CAMTA1: variants seen among roughly 807,000 people sequenced by gnomAD.
CAMTA1 encodes the protein calmodulin-binding transcription activator 1.
CAMTA1 carries 27 observed loss-of-function variants against 170.9 expected under a neutral mutation model. The observed-to-expected ratio is 0.16, with a 90% CI of 0.12 to 0.22. CAMTA1 has a LOEUF of 0.22. Among genes scored for constraint, CAMTA1 ranks in the 10% least tolerant of loss-of-function variants. CAMTA1 has a pLI of 1.00. For synonymous variants in CAMTA1, 833 were observed against 891.5 expected (o/e 0.93, Z 1.17); for missense variants, 1,619 against 2,217.2 (o/e 0.73, Z 5.42).
chr1:7,095,807 G>C (rs1180266579), intron 4 of CAMTA1, among the ~76,000 whole-genome samples: 1 of 152,256 alleles, frequency 6.6e-6, no homozygotes, highest in Non-Finnish European at 1.5e-5. Context: ...ACCACTGCAG[G>C]GGAGCAGGTC....
At position 7,673,731 on chromosome 1, in the gene CAMTA1, A is replaced by T. The variant is rs1434223954; in HGVS notation, c.2779+2694A>T. Among the ~76,000 whole-genome samples, 2 of 152,230 alleles carry T rather than the reference A, an allele frequency of 1.3e-5. No homozygotes were observed. The highest frequency in any genetic ancestry group is 4.8e-5 in the African/African-American group (2 of 41,460). On this transcript the variant is annotated intron_variant, in intron 10 of 22. Transcript: ENST00000303635. This position sits in a 1 kb window ranked among gnomAD's most constrained non-coding sequence, Gnocchi z 4.6. ...TCCACAAAGGGGGCCTCCTTTGGACATCTCTGCTTTGAGGCCCAAATTGGA... is the reference window on the plus strand; with the variant it reads ...TCCACAAAGGGGGCCTCCTTTGGACTTCTCTGCTTTGAGGCCCAAATTGGA...
chr1:7,710,249 G>A (rs2096559425), intron 11 of CAMTA1, among the ~76,000 whole-genome samples: 1 of 152,120 alleles, frequency 6.6e-6, no homozygotes, highest in African/African-American at 2.4e-5. Context: ...CACATGTTTT[G>A]TAGATAAATT....
chr1:7,014,343 T>C lies in CAMTA1; in HGVS notation c.235-76961T>C, dbSNP rs539264426. 2.0e-5 allele frequency: 3 copies of C among 152,340 alleles called. No individual in the cohort carries two copies. The highest frequency in any genetic ancestry group is 7.2e-5 in the African/African-American group (3 of 41,558). 9.4% of individuals were successfully genotyped at this position (152,340 alleles called of 1,614,324 possible). On this transcript the variant is annotated intron_variant, in intron 3 of 22. Transcript: ENST00000303635. This position sits in a 1 kb window ranked among gnomAD's most constrained non-coding sequence, Gnocchi z 4.2. ...TGCAAACAACAGTTTGTGTTTGGGG[T>C]GTGAGGCTATAAACAGCCCAGGAGT...
chr1:7,197,342 C>T (rs1313585598), intron 4 of CAMTA1, among the ~76,000 whole-genome samples: 1 of 152,144 alleles, frequency 6.6e-6, no homozygotes, highest in Non-Finnish European at 1.5e-5. Context: ...GGGGAGACAG[C>T]TCATTGTCCC....
intron 3 of CAMTA1, among the ~76,000 whole-genome samples, chr1:6,835,240 G>A (rs1377449643): frequency 6.6e-6 from 1 of 152,214 alleles, no homozygotes; most frequent in Non-Finnish European, 1.5e-5. Flanking sequence ...TCCAGTTTGG[G>A]CCCACATTTT....
chr1:6,828,492 A>G (rs565993867), intron 3 of CAMTA1, among the ~76,000 whole-genome samples: 1 of 151,942 alleles, frequency 6.6e-6, no homozygotes, highest in Non-Finnish European at 1.5e-5. Context: ...GGGTTTTACC[A>G]TGTTGGCCAG....
At chr1:6,998,017 G>A (rs1490680746) in intron 3 of CAMTA1, among the ~76,000 whole-genome samples, 1 of 151,602 alleles carries the variant, frequency 6.6e-6, no homozygotes, top group African/African-American at 2.4e-5. Flanking sequence ...GATGCATTCT[G>A]GTAAGCTCCC....
At chr1:7,655,688 T>TAC (rs775140289) in intron 7 of CAMTA1, among the ~76,000 whole-genome samples, 12 of 148,824 alleles carry the variant, frequency 8.1e-5, no homozygotes, top group African/African-American at 1.2e-4. Flanking sequence ...TACACACCTA[T>TAC]ACACACACAC....
intron 5 of CAMTA1, among the ~76,000 whole-genome samples, chr1:7,291,693 G>T (rs1204764194): frequency 6.6e-6 from 1 of 152,256 alleles, no homozygotes; most frequent in Non-Finnish European, 1.5e-5. Flanking sequence ...AACTGGAAGG[G>T]CAGAGAGCCT....
intron 5 of CAMTA1, among the ~76,000 whole-genome samples, chr1:7,364,276 C>G (rs549839385): frequency 1.3e-5 from 2 of 152,166 alleles, no homozygotes; most frequent in African/African-American, 4.8e-5. Flanking sequence ...ATACTTTAGA[C>G]TGGGTAACTA....
chr1:7,751,774 A>G (rs1206688912), intron 20 of CAMTA1, among the ~76,000 whole-genome samples: 1 of 152,144 alleles, frequency 6.6e-6, no homozygotes, highest in Non-Finnish European at 1.5e-5. Flanking sequence ...TTACATAAAC[A>G]TGCTCTTTGA....
intron 6 of CAMTA1, among the ~76,000 whole-genome samples, chr1:7,590,443 G>A (rs1307395826): frequency 9.2e-5 from 14 of 152,184 alleles, no homozygotes; most frequent in South Asian, 8.3e-4. Context: ...ACCAGGCCCC[G>A]CTGGCTCTTC....
At chr1:7,459,560 C>T (rs906824943) in intron 5 of CAMTA1, among the ~76,000 whole-genome samples, 5 of 152,180 alleles carry the variant, frequency 3.3e-5, no homozygotes, top group African/African-American at 4.8e-5. Flanking sequence ...CACATTTTTA[C>T]CCCCTTCTGT....
intron 3 of CAMTA1, among the ~76,000 whole-genome samples, chr1:6,952,903 A>C (rs1368111879): frequency 6.6e-6 from 1 of 152,158 alleles, no homozygotes; most frequent in Non-Finnish European, 1.5e-5. Context: ...AAAAGAAAAG[A>C]ATTAAGAGGA....
intron 4 of CAMTA1, among the ~76,000 whole-genome samples, chr1:7,212,795 C>A (rs184650674): frequency 1.6e-4 from 24 of 152,300 alleles, no homozygotes; most frequent in African/African-American, 5.8e-4. Context: ...CTTTGCAACC[C>A]CTAATCTGTT....
At position 7,680,889 on chromosome 1, in the gene CAMTA1, C is replaced by CT. The variant is rs2096196073; in HGVS notation, c.2914+3156_2914+3157insT. On this transcript the variant is annotated intron_variant, in intron 11 of 22. Transcript: ENST00000303635. This position sits in a 1 kb window ranked among gnomAD's most constrained non-coding sequence, Gnocchi z 4.4. The stretch of plus-strand genomic sequence containing the variant: ...GCAGCAGCAGCAGCAGCAGCTGCTG[C>CT]GGCGAAGTCTTTGTCCCCGCGGCGC... Among the ~76,000 whole-genome samples, 1 of 151,102 alleles carries CT rather than the reference C, an allele frequency of 6.6e-6. No homozygotes were observed. The highest frequency in any genetic ancestry group is 1.5e-5 in the Non-Finnish European group (1 of 67,668).
chr1:7,696,497 T>TC (rs914610559), intron 11 of CAMTA1, among the ~76,000 whole-genome samples: 6 of 150,694 alleles, frequency 4.0e-5, no homozygotes, highest in African/African-American at 1.5e-4. Context: ...CCCAGCCAGT[T>TC]TTTTTTTTTT....
intron 6 of CAMTA1, among the ~76,000 whole-genome samples, chr1:7,581,535 G>A (rs2095260775): frequency 6.6e-6 from 1 of 152,224 alleles, no homozygotes; most frequent in Admixed American, 6.5e-5. Context: ...GAAATCAGGA[G>A]GCAAAGCTGA....
chr1:7,012,572 C>G (rs771811366), intron 3 of CAMTA1, among the ~76,000 whole-genome samples: 1 of 152,180 alleles, frequency 6.6e-6, no homozygotes, highest in Non-Finnish European at 1.5e-5. Flanking sequence ...CTTGGAGAGC[C>G]GTCCACAGGG....
Sources: gnomAD v4.1 joint callset for allele counts (sites outside exome capture counted in the v4.1 genomes callset) on GRCh38, gnomAD v4.1.1 for gene constraint, Gnocchi (gnomAD v3.1) non-coding constraint, MANE v1.5 for transcripts, NCBI Gene and HGNC (gene_info 2026-07-23, HGNC 2026-07-21) for gene names.